Variants in PACRG observed in about 807,000 individuals in gnomAD.
PACRG encodes the protein parkin coregulated gene protein.
PACRG carries 29 observed loss-of-function variants against 29.7 expected under a neutral mutation model. The ratio of observed to expected loss-of-function variants is 0.98; its 90% CI spans 0.73 to 1.33. The LOEUF is 1.33. Among genes scored for constraint, PACRG ranks in the 40% most tolerant of loss-of-function variants. The pLI is 0.00. For synonymous variants in PACRG, 116 were observed against 118.7 expected, an observed-to-expected ratio of 0.98 and a Z score of 0.15; for missense variants, 279 against 316.2, an observed-to-expected ratio of 0.88 and a Z score of 0.89.
Position 163,269,388 on chromosome 6 carries a change from G to A in PACRG, c.614-45439G>A, listed in dbSNP as rs566317931. Among the ~76,000 whole-genome samples, 10 of 152,320 alleles carry A rather than the reference G, an allele frequency of 6.6e-5. No homozygotes were observed. The East Asian group carries it at 1.5e-3, about 24-fold the overall frequency. On this transcript the variant is annotated intron_variant, in intron 4 of 4. Coordinates refer to ENST00000366888, the MANE Select transcript of PACRG (RefSeq NM_001080379.2). ...GACTGAGGGTCAAAGGGCTGAAAAT[G>A]TTTGGAGATGATTCTTCTGGTTGAC...
At chr6:162,928,782 C>G (rs1428766495) in intron 2 of PACRG, among the ~76,000 whole-genome samples, 1 of 151,938 alleles carries the variant, frequency 6.6e-6, no homozygotes, top group Non-Finnish European at 1.5e-5. Context: ...CCACTCTTTC[C>G]AACCTCTGGT....
chr6:163,178,859 T>G (rs1451864600), intron 4 of PACRG, among the ~76,000 whole-genome samples: 1 of 152,210 alleles, frequency 6.6e-6, no homozygotes, highest in Non-Finnish European at 1.5e-5. Flanking sequence ...ATTCAGTCTC[T>G]CTGGTGTATT....
chr6:163,165,771 A>G, intron 4 of PACRG: 1 of 240,040 alleles, frequency 4.2e-6, no homozygotes, highest in Non-Finnish European at 8.3e-6. Flanking sequence ...AGAAAGGGGA[A>G]AGCTGGGAGG....
At chr6:163,231,232 G>A (rs781543369) in intron 4 of PACRG, among the ~76,000 whole-genome samples, 8 of 152,172 alleles carry the variant, frequency 5.3e-5, no homozygotes, top group Non-Finnish European at 1.0e-4. Flanking sequence ...TGCTTCCTGC[G>A]GCTTTTCTAT....
intron 4 of PACRG, among the ~76,000 whole-genome samples, chr6:163,277,845 G>T (rs529708249): frequency 6.6e-6 from 1 of 151,832 alleles, no homozygotes; most frequent in Non-Finnish European, 1.5e-5. Context: ...CCTTTGGGTA[G>T]GTACCTAATA....
intron 1 of PACRG, among the ~76,000 whole-genome samples, chr6:162,742,406 G>T (rs547509442): frequency 6.6e-6 from 1 of 152,134 alleles, no homozygotes. Flanking sequence ...CTTCAGTCAC[G>T]TGGAACTGTG....
At chr6:163,264,664 T>G (rs1180298774) in intron 4 of PACRG, among the ~76,000 whole-genome samples, 1 of 152,126 alleles carries the variant, frequency 6.6e-6, no homozygotes, top group Non-Finnish European at 1.5e-5. Context: ...TTGCAGGGTA[T>G]ATACACGGTG....
At chr6:162,875,862 T>G (rs1363673871) in intron 2 of PACRG, among the ~76,000 whole-genome samples, 1 of 152,252 alleles carries the variant, frequency 6.6e-6, no homozygotes, top group Non-Finnish European at 1.5e-5. Flanking sequence ...AAATGCTTAC[T>G]GACCATTCAG....
intron 4 of PACRG, among the ~76,000 whole-genome samples, chr6:163,125,067 A>T (rs1396714351): frequency 6.6e-6 from 1 of 152,246 alleles, no homozygotes; most frequent in Non-Finnish European, 1.5e-5. Flanking sequence ...TCATAAGAAA[A>T]CAGTAGAGCG....
At chr6:162,918,468 C>G (rs1053885892) in intron 2 of PACRG, among the ~76,000 whole-genome samples, 8 of 152,186 alleles carry the variant, frequency 5.3e-5, no homozygotes, top group Non-Finnish European at 1.2e-4. Flanking sequence ...AGTCAGGAAG[C>G]TGCGCTGTGC....
At chr6:162,928,618 A>C (rs1797622237) in intron 2 of PACRG, among the ~76,000 whole-genome samples, 1 of 151,982 alleles carries the variant, frequency 6.6e-6, no homozygotes, top group Admixed American at 6.6e-5. Flanking sequence ...TGCTAGAAAG[A>C]TTTGAATTAT....
intron 2 of PACRG, among the ~76,000 whole-genome samples, chr6:162,980,873 T>C (rs1465132065): frequency 6.6e-6 from 1 of 152,114 alleles, no homozygotes; most frequent in African/African-American, 2.4e-5. Context: ...GAAGCAGGAA[T>C]GGGAGCCATT....
intron 2 of PACRG, among the ~76,000 whole-genome samples, chr6:163,040,007 T>C (rs1009131616): frequency 6.6e-6 from 1 of 152,180 alleles, no homozygotes; most frequent in Non-Finnish European, 1.5e-5. Context: ...CTCCAGGACA[T>C]GTCAGAGATC....
At chr6:162,765,712 G>A (rs1389483745) in intron 1 of PACRG, among the ~76,000 whole-genome samples, 3 of 152,080 alleles carry the variant, frequency 2.0e-5, no homozygotes, top group East Asian at 1.9e-4. Context: ...ATTTCGGGGG[G>A]CATTTCTTTA....
At chr6:162,743,531 T>C (rs565743760) in intron 1 of PACRG, among the ~76,000 whole-genome samples, 1 of 152,264 alleles carries the variant, frequency 6.6e-6, no homozygotes, top group African/African-American at 2.4e-5. Context: ...TTGGATTTAT[T>C]TATGCTTTGG....
intron 1 of PACRG, among the ~76,000 whole-genome samples, chr6:162,798,998 A>C (rs1785614774): frequency 6.6e-6 from 1 of 152,206 alleles, no homozygotes; most frequent in Admixed American, 6.5e-5. Flanking sequence ...TAACTTCTGA[A>C]TGTAAAGAAA....
At chr6:163,145,867 G>C (rs1268774594) in intron 4 of PACRG, among the ~76,000 whole-genome samples, 1 of 152,166 alleles carries the variant, frequency 6.6e-6, no homozygotes, top group Non-Finnish European at 1.5e-5. Context: ...CCGGAGATGG[G>C]AGAGGAGAAG....
chr6:163,013,497 G>A lies in PACRG; in HGVS notation c.292-48653G>A, dbSNP rs184878472. On this transcript the variant is annotated intron_variant, in intron 2 of 4. Transcript: ENST00000366888. ...TATGCTCTGTTCGACAATGTGGATT[G>A]TCTTTCCCTTCTGAAGTTACCCTCA... 7.3e-5 allele frequency among the ~76,000 whole-genome samples: 11 copies of A among 150,732 alleles called. No individual in the cohort carries two copies. The East Asian group carries it at 1.5e-3, about 21-fold the overall frequency.
At chr6:162,984,861 T>A in intron 2 of PACRG, among the ~76,000 whole-genome samples, 1 of 151,292 alleles carries the variant, frequency 6.6e-6, no homozygotes, top group East Asian at 2.0e-4. Context: ...GCGATTGGTT[T>A]TTTTTTTTTC....
Sources: allele counts gnomAD v4.1 joint callset (sites outside exome capture counted in the v4.1 genomes callset), GRCh38; gene constraint gnomAD v4.1.1; transcripts MANE v1.5; gene names NCBI Gene and HGNC (gene_info 2026-07-23, HGNC 2026-07-21).